Variants in TMEM135 observed in about 807,000 individuals in gnomAD.
The protein encoded by TMEM135 is peroxisomal membrane protein 52.
A neutral mutation model predicts 60.3 loss-of-function variants in TMEM135; 30 were observed. The observed-to-expected ratio is 0.50, with a 90% CI of 0.37 to 0.68. The LOEUF (loss-of-function observed/expected upper bound fraction) is 0.68, where lower values mean the gene tolerates loss of function less well. Among genes scored for constraint, TMEM135 ranks in the 30% least tolerant of loss-of-function variants. TMEM135 has a pLI of 0.00. For missense variants in TMEM135, 468 were observed against 548.8 expected (o/e 0.85, Z 1.47); for synonymous variants, 190 against 186.7 (o/e 1.02, Z -0.14).
intron 6 of TMEM135, among the ~76,000 whole-genome samples, chr11:87,240,050 T>G (rs1227045598): frequency 6.6e-6 from 1 of 152,102 alleles, no homozygotes; most frequent in African/African-American, 2.4e-5. Flanking sequence ...GTGTGTAATG[T>G]GAAATGCTTC....
chr11:87,238,800 G>T (rs1460766341), intron 6 of TMEM135, among the ~76,000 whole-genome samples: 1 of 151,888 alleles, frequency 6.6e-6, no homozygotes, highest in Non-Finnish European at 1.5e-5. Context: ...ATCGTAAAAA[G>T]CTTAAAAACT....
At chr11:87,221,557 G>A (rs1940616675) in intron 5 of TMEM135, among the ~76,000 whole-genome samples, 1 of 152,118 alleles carries the variant, frequency 6.6e-6, no homozygotes, top group South Asian at 2.1e-4. Context: ...TAGGTTATAT[G>A]GACTAGATTC....
chr11:87,259,795 G>A (rs529117606), intron 6 of TMEM135, among the ~76,000 whole-genome samples: 42 of 152,232 alleles, frequency 2.8e-4, no homozygotes, highest in Non-Finnish European at 3.2e-4. Context: ...AATGGGAGAA[G>A]CTTTTAAGTT....
chr11:87,071,880 C>T (rs1856778603), intron 3 of TMEM135, among the ~76,000 whole-genome samples: 1 of 151,994 alleles, frequency 6.6e-6, no homozygotes, highest in Admixed American at 6.6e-5. Flanking sequence ...TATAATGTGA[C>T]CTAACTAAAA....
intron 4 of TMEM135, among the ~76,000 whole-genome samples, chr11:87,116,897 A>T (rs1345564489): frequency 1.3e-5 from 2 of 151,442 alleles, no homozygotes; most frequent in African/African-American, 4.9e-5. Context: ...ATCTCGGCTC[A>T]CTGCAACCTC....
At chr11:87,130,540 T>A (rs1231412632) in intron 4 of TMEM135, among the ~76,000 whole-genome samples, 2 of 152,208 alleles carry the variant, frequency 1.3e-5, no homozygotes, top group African/African-American at 4.8e-5. Flanking sequence ...CTTCTTTCCC[T>A]ACTGTCTTTT....
At chr11:87,280,372 G>A (rs1180439054) in intron 6 of TMEM135, among the ~76,000 whole-genome samples, 1 of 152,168 alleles carries the variant, frequency 6.6e-6, no homozygotes, top group Non-Finnish European at 1.5e-5. Flanking sequence ...TGCTTTAGAA[G>A]TAAAGTTCAA....
chr11:87,129,713 G>A (rs576172298), intron 4 of TMEM135, among the ~76,000 whole-genome samples: 2 of 151,822 alleles, frequency 1.3e-5, no homozygotes, highest in South Asian at 4.2e-4. Flanking sequence ...GCTAATTTTT[G>A]TATTTTTAGT....
chr11:87,221,767 G>A (rs1940621566), intron 5 of TMEM135, among the ~76,000 whole-genome samples: 1 of 152,068 alleles, frequency 6.6e-6, no homozygotes, highest in African/African-American at 2.4e-5. Context: ...TCATCCCTAT[G>A]TTTATTATCA....
chr11:87,091,240 A>G, intron 3 of TMEM135, 122 bp from the exon 4 acceptor site: 1 of 808,126 alleles, frequency 1.2e-6, no homozygotes, highest in Admixed American at 2.7e-5. Flanking sequence ...CTGTTTTTCT[A>G]AGATACCAGT....
chr11:87,118,542 G>C (rs1014848622), intron 4 of TMEM135, among the ~76,000 whole-genome samples: 1 of 151,318 alleles, frequency 6.6e-6, no homozygotes, highest in African/African-American at 2.4e-5. Flanking sequence ...TCCACCTCCC[G>C]GGTTCAAGTG....
intron 12 of TMEM135, among the ~76,000 whole-genome samples, chr11:87,315,486 T>A (rs1331772428): frequency 6.6e-6 from 1 of 151,956 alleles, no homozygotes; most frequent in East Asian, 1.9e-4. Flanking sequence ...GATTGATCAG[T>A]GGGCTTAGGT....
chr11:87,129,213 ATTTTTTTTTTTTTTTTT>A (rs71040295), intron 4 of TMEM135, among the ~76,000 whole-genome samples: 160 of 116,018 alleles, frequency 1.4e-3, no homozygotes, highest in African/African-American at 3.7e-3. Context: ...TTATTCCTTA[ATTTTTTTTTTTTTTTTT>A]TTTTTTTTTT....
At chr11:87,158,190 T>G (rs1284400149) in intron 5 of TMEM135, among the ~76,000 whole-genome samples, 1 of 152,152 alleles carries the variant, frequency 6.6e-6, no homozygotes, top group Non-Finnish European at 1.5e-5. Flanking sequence ...CCTCACAGAG[T>G]GCCGGCATTA....
At chr11:87,240,287 C>T (rs1941101505) in intron 6 of TMEM135, among the ~76,000 whole-genome samples, 1 of 151,990 alleles carries the variant, frequency 6.6e-6, no homozygotes, top group Non-Finnish European at 1.5e-5. Context: ...AATAGTTTTA[C>T]ATCCTTTGTT....
chr11:87,200,321 G>T (rs1335379588), intron 5 of TMEM135, among the ~76,000 whole-genome samples: 1 of 152,024 alleles, frequency 6.6e-6, no homozygotes, highest in African/African-American at 2.4e-5. Context: ...GAATTATCTT[G>T]TTATGATTTT....
intron 6 of TMEM135, among the ~76,000 whole-genome samples, chr11:87,272,571 C>T (rs948868113): frequency 6.6e-6 from 1 of 152,064 alleles, no homozygotes; most frequent in Non-Finnish European, 1.5e-5. Context: ...AGTGAGCTTC[C>T]CACCTCAGTC....
chr11:87,225,585 G>C (rs537631635), intron 5 of TMEM135, among the ~76,000 whole-genome samples: 2 of 152,120 alleles, frequency 1.3e-5, no homozygotes, highest in African/African-American at 4.8e-5. Flanking sequence ...GGAACTAAAA[G>C]GAGCCATGGG....
intron 5 of TMEM135, among the ~76,000 whole-genome samples, chr11:87,228,359 C>T (rs1279798108): frequency 6.6e-6 from 1 of 152,288 alleles, no homozygotes; most frequent in East Asian, 1.9e-4. Flanking sequence ...ACATCTGTCT[C>T]CTTTCAAGTT....
Sources: gnomAD v4.1 joint callset for allele counts (sites outside exome capture counted in the v4.1 genomes callset) on GRCh38, gnomAD v4.1.1 for gene constraint, MANE v1.5 for transcripts, NCBI Gene and HGNC (gene_info 2026-07-23, HGNC 2026-07-21) for gene names.